The following ENTPD6 variants were observed in gnomAD, a reference collection of about 807,000 sequenced individuals.
ENTPD6 encodes the protein ectonucleoside triphosphate diphosphohydrolase 6.
ENTPD6 carries 46 observed loss-of-function variants against 61.5 expected under a neutral mutation model. The observed-to-expected ratio is 0.75, with a 90% CI of 0.59 to 0.96. The LOEUF (loss-of-function observed/expected upper bound fraction) is 0.96, where lower values mean the gene tolerates loss of function less well. ENTPD6 is among the 40% of genes least tolerant of loss of function. The probability of loss-of-function intolerance (pLI) is 0.00; values close to 1 mark genes in which losing one functional copy is unlikely to be tolerated. For missense variants in ENTPD6, 612 were observed against 629.0 expected, an observed-to-expected ratio of 0.97 and a Z score of 0.29; for synonymous variants, 252 against 255.5, an observed-to-expected ratio of 0.99 and a Z score of 0.13.
chr20:25,207,473 A>G lies in ENTPD6; in HGVS notation c.376+76A>G. On this transcript the variant is annotated intron_variant, in intron 3 of 14. Coordinates refer to ENST00000376652, the MANE Select transcript of ENTPD6 (RefSeq NM_001247.5). ...GTGTTGGCCGGGTCCCCTGCCACAG[A>G]CTCACCTGGGAGCTTGTCTAAATGC... 4 of 1,335,550 alleles carry G rather than the reference A, an allele frequency of 3.0e-6. No homozygotes were observed. In the South Asian group the frequency reaches 4.5e-5, roughly 15 times the overall value. 82.7% of individuals were successfully genotyped at this position (1,335,550 alleles called of 1,614,324 possible).
At position 25,214,878 on chromosome 20, in the gene ENTPD6, A is replaced by G. The variant is rs2092225154; in HGVS notation, c.609A>G (p.Val203=). 3 of 1,564,276 alleles carry G rather than the reference A, an allele frequency of 1.9e-6. No individual in the cohort carries two copies. The highest frequency in any genetic ancestry group is 2.7e-5 in the African/African-American group (2 of 73,924). The part of the protein sequence containing the change: ...AQKLLQKVKK[V]FKASPFLVGD... ...CTCTTTACATTTAGGTGAAAAAAGT[A>G]TTTAAAGCATCGCCTTTCCTTGTAG... The change falls in exon 6 of 15, where the codon GTA becomes GTG. Residue 203 remains valine (V), a synonymous_variant. Transcript: ENST00000376652.
intron 1 of ENTPD6, among the ~76,000 whole-genome samples, chr20:25,201,317 A>G (rs145149378): frequency 1.7e-3 from 262 of 152,274 alleles, no homozygotes; most frequent in African/African-American, 6.1e-3. Context: ...TCTTCTGTCT[A>G]ATTTTTCTGT....
At chr20:25,207,446 C>T in intron 3 of ENTPD6, 49 bp downstream of exon 3, 9 of 1,475,390 alleles carry the variant, frequency 6.1e-6, no homozygotes, top group Non-Finnish European at 8.1e-6. Context: ...CCCTGTGCTA[C>T]AGTGTTGGCC....
At chr20:25,214,677 T>C (rs2092211887) in intron 5 of ENTPD6, 190 bp from the exon 6 acceptor site, 1 of 588,172 alleles carries the variant, frequency 1.7e-6, no homozygotes, top group East Asian at 2.9e-5. Flanking sequence ...CCCTTAACCA[T>C]AAATTCTAAA....
intron 4 of ENTPD6, among the ~76,000 whole-genome samples, chr20:25,212,736 C>CACTCT (rs1314899051): frequency 6.6e-6 from 1 of 151,978 alleles, no homozygotes; most frequent in Non-Finnish European, 1.5e-5. Flanking sequence ...GATGGAGTCT[C>CACTCT]ACTCTGTCAC....
intron 12 of ENTPD6, 116 bp from the exon 13 acceptor site, chr20:25,223,985 G>C (rs2092719743): frequency 1.6e-5 from 15 of 920,794 alleles, no homozygotes. Context: ...GCCTGCCTCA[G>C]AAGCCAGTCA....
chr20:25,207,954 C>G (rs1335332922), intron 3 of ENTPD6, among the ~76,000 whole-genome samples: 2 of 152,192 alleles, frequency 1.3e-5, no homozygotes, highest in East Asian at 3.9e-4. Flanking sequence ...AGGGGTCCCC[C>G]TCGCCACCCG....
At chr20:25,215,899 T>C (rs1401425157) in intron 7 of ENTPD6, among the ~76,000 whole-genome samples, 188 bp downstream of exon 7, 2 of 152,244 alleles carry the variant, frequency 1.3e-5, no homozygotes, top group African/African-American at 4.8e-5. Context: ...CAGGTGTAGA[T>C]GCTAGGAGTG....
rs541280337 is a variant in ENTPD6, at chr20:25,206,946, TTC to T, written c.55-128_55-127del. The T allele has an allele frequency of 3.9e-5, 31 of 803,432 alleles. No homozygotes were observed. In the East Asian group the frequency reaches 6.8e-4, roughly 18 times the overall value. 49.8% of individuals were successfully genotyped at this position (803,432 alleles called of 1,614,324 possible). A position where few individuals can be genotyped will look rare whatever the true frequency, so the allele number is the denominator to read the frequency against. On this transcript the variant is annotated intron_variant, in intron 2 of 14. Coordinates refer to ENST00000376652, the MANE Select transcript of ENTPD6 (RefSeq NM_001247.5). ...AATAATTATGAGGCTCAAATGAAGCTTCTGATTCCTGGGGGGAACACGGAGCA... is the reference window on the plus strand; with the variant it reads ...AATAATTATGAGGCTCAAATGAAGCTTGATTCCTGGGGGGAACACGGAGCA...
chr20:25,200,968 A>G (rs1426933954), intron 1 of ENTPD6, among the ~76,000 whole-genome samples: 1 of 151,828 alleles, frequency 6.6e-6, no homozygotes, highest in Non-Finnish European at 1.5e-5. Context: ...CCCTATTGGC[A>G]CTGTTTTTGC....
At chr20:25,224,633 GTGTGGGT>G (rs1339922641) in intron 13 of ENTPD6, 1 of 156,940 alleles carries the variant, frequency 6.4e-6, no homozygotes, top group Non-Finnish European at 1.4e-5. Flanking sequence ...CCTTCCCAAT[GTGTGGGT>G]CCAAAGAGCT....
intron 1 of ENTPD6, among the ~76,000 whole-genome samples, chr20:25,197,896 C>G (rs571264051): frequency 6.6e-6 from 1 of 152,128 alleles, no homozygotes; most frequent in African/African-American, 2.4e-5. Flanking sequence ...AAAGCACGTT[C>G]AATTTGGGGA....
intron 1 of ENTPD6, among the ~76,000 whole-genome samples, chr20:25,204,220 A>G (rs1049186047): frequency 6.6e-6 from 1 of 152,224 alleles, no homozygotes; most frequent in Non-Finnish European, 1.5e-5. Flanking sequence ...CTTTGAGATC[A>G]AGGAACACAT....
intron 4 of ENTPD6, 120 bp from the exon 5 acceptor site, chr20:25,213,143 T>C: frequency 1.7e-6 from 2 of 1,159,804 alleles, no homozygotes; most frequent in Non-Finnish European, 2.5e-6. Flanking sequence ...CACTCTAGCC[T>C]GGGCAACACA....
At chr20:25,207,587 T>C (rs943338783) in intron 3 of ENTPD6, among the ~76,000 whole-genome samples, 190 bp downstream of exon 3, 2 of 152,080 alleles carry the variant, frequency 1.3e-5, no homozygotes, top group African/African-American at 2.4e-5. Context: ...CACTAGTGAG[T>C]GGTGACCATG....
rs1212360829 is a variant in ENTPD6 at position 25,226,987 on chromosome 20, C to G, written c.*1390C>G. 2.0e-5 allele frequency among the ~76,000 whole-genome samples: 3 copies of G among 152,268 alleles called. No individual in the cohort carries two copies. The East Asian group carries it at 5.8e-4, about 29-fold the overall frequency. On this transcript the variant is annotated 3_prime_UTR_variant, in exon 15 of 15. Coordinates refer to ENST00000376652, the MANE Select transcript of ENTPD6 (RefSeq NM_001247.5). ...AGCCCACAGCACGGCCAGGTGAGGC[C>G]TGGGCACATAACCTCGAGTGAGCTG...
intron 5 of ENTPD6, among the ~76,000 whole-genome samples, chr20:25,214,431 G>A (rs2092190728): frequency 6.6e-6 from 1 of 152,222 alleles, no homozygotes; most frequent in Non-Finnish European, 1.5e-5. Context: ...CCCAAAGCAG[G>A]GCAGTGTTTG....
At chr20:25,219,513 C>T (rs1347291477) in intron 10 of ENTPD6, among the ~76,000 whole-genome samples, 2 of 152,244 alleles carry the variant, frequency 1.3e-5, no homozygotes, top group East Asian at 1.9e-4. Flanking sequence ...GGCCTCTGCT[C>T]CTTATAATGG....
intron 10 of ENTPD6, among the ~76,000 whole-genome samples, chr20:25,219,056 G>A (rs1244820530): frequency 6.6e-6 from 1 of 152,160 alleles, no homozygotes; most frequent in East Asian, 1.9e-4. Flanking sequence ...TAATTTTTGT[G>A]TTTTTAGTAG....
Sources: allele counts gnomAD v4.1 joint callset (sites outside exome capture counted in the v4.1 genomes callset), GRCh38; gene constraint gnomAD v4.1.1; transcripts MANE v1.5; gene names NCBI Gene and HGNC (gene_info 2026-07-23, HGNC 2026-07-21).